Variants in CFAP300 observed in about 807,000 individuals in gnomAD.
CFAP300 encodes cilia and flagella associated protein 300.
Under a neutral mutation model 33.0 loss-of-function variants are expected in CFAP300, and 32 were observed. The observed-to-expected ratio is 0.97, with a 90% CI of 0.73 to 1.30. The LOEUF is 1.30. CFAP300 is among the 50% of genes most tolerant of loss of function. The pLI, the probability that CFAP300 is intolerant of heterozygous loss-of-function variation, is 0.00. For synonymous variants in CFAP300, 102 were observed against 106.8 expected (o/e 0.95, Z 0.28); for missense variants, 356 against 318.1 (o/e 1.12, Z -0.90).
At chr11:102,058,619 C>G (rs918225107) in intron 2 of CFAP300, among the ~76,000 whole-genome samples, 5 of 150,312 alleles carry the variant, frequency 3.3e-5, no homozygotes, top group African/African-American at 1.2e-4. Context: ...TATTATATAA[C>G]CTCCTAATGT....
At chr11:102,073,509 C>T (rs1434148533) in intron 4 of CFAP300, among the ~76,000 whole-genome samples, 1 of 152,252 alleles carries the variant, frequency 6.6e-6, no homozygotes, top group East Asian at 1.9e-4. Context: ...TACATTCAGG[C>T]GGATCCTCTT....
At chr11:102,072,602 C>A (rs990311252) in intron 4 of CFAP300, among the ~76,000 whole-genome samples, 1 of 152,048 alleles carries the variant, frequency 6.6e-6, no homozygotes, top group Non-Finnish European at 1.5e-5. Context: ...CATGCCTGGC[C>A]ATATCATTAT....
intron 2 of CFAP300, 76 bp from the exon 3 acceptor site, chr11:102,058,804 A>G (rs1199872163): frequency 3.7e-6 from 3 of 811,854 alleles, no homozygotes; most frequent in Admixed American, 2.8e-5. Flanking sequence ...AAAGGAGATT[A>G]TAGTTATTTT....
chr11:102,066,404 C>T, intron 3 of CFAP300, 81 bp from the exon 4 acceptor site: 5 of 900,360 alleles, frequency 5.6e-6, no homozygotes, highest in Non-Finnish European at 8.1e-6. Context: ...AGAATTTCTG[C>T]ATAGCGATTT....
In CFAP300 at chr11:102,081,117, T is replaced by G. The variant is rs987941406; in HGVS notation, c.609-98T>G. 5.8e-6 allele frequency: 5 copies of G among 869,342 alleles called. No homozygotes were observed. In the African/African-American group the frequency reaches 8.5e-5, roughly 15 times the overall value. 53.9% of individuals were successfully genotyped at this position (869,342 alleles called of 1,614,324 possible). A position where few individuals can be genotyped will look rare whatever the true frequency, so the allele number is the denominator to read the frequency against. Reference sequence around the variant, plus strand: ...GGATAGTATGTATTTCCATGTTCTATATGAATAAGAACACTTAAATACTAA... The same window carrying G: ...GGATAGTATGTATTTCCATGTTCTAGATGAATAAGAACACTTAAATACTAA... On this transcript the variant is annotated intron_variant, in intron 5 of 6. Coordinates refer to ENST00000434758, the MANE Select transcript of CFAP300 (RefSeq NM_032930.3).
intron 4 of CFAP300, among the ~76,000 whole-genome samples, chr11:102,073,449 GA>G (rs1190232973): frequency 6.6e-6 from 1 of 152,194 alleles, no homozygotes; most frequent in Non-Finnish European, 1.5e-5. Flanking sequence ...TTGGGCACTG[GA>G]TGGGGGACAG....
chr11:102,048,019 T>G, intron 2 of CFAP300, 123 bp downstream of exon 2: 1 of 813,402 alleles, frequency 1.2e-6, no homozygotes, highest in Non-Finnish European at 1.9e-6. Context: ...CGTTTGGGAG[T>G]AATAAAAGGT....
At chr11:102,063,457 A>T (rs1173912111) in intron 3 of CFAP300, among the ~76,000 whole-genome samples, 1 of 152,182 alleles carries the variant, frequency 6.6e-6, no homozygotes, top group Non-Finnish European at 1.5e-5. Flanking sequence ...CATGAATCAT[A>T]CCTCAAGTCT....
intron 4 of CFAP300, among the ~76,000 whole-genome samples, chr11:102,067,527 T>G (rs1942247581): frequency 6.6e-6 from 1 of 152,222 alleles, no homozygotes; most frequent in South Asian, 2.1e-4. Context: ...GATTCCTGAT[T>G]TATTATTTAG....
At chr11:102,074,842 A>G (rs1008632860) in intron 4 of CFAP300, among the ~76,000 whole-genome samples, 2 of 151,852 alleles carry the variant, frequency 1.3e-5, no homozygotes, top group East Asian at 3.9e-4. Flanking sequence ...CACTAGGGCT[A>G]CAGGCATTCA....
At position 102,081,974 on chromosome 11, in the gene CFAP300, T is replaced by C. The variant is rs187958820; in HGVS notation, c.675+693T>C. Among the ~76,000 whole-genome samples, 193 of 152,166 alleles carry C rather than the reference T, an allele frequency of 1.3e-3. 2 individuals are homozygous for C. The highest frequency in any genetic ancestry group is 3.4e-3 in the Middle Eastern group (1 of 294). On this transcript the variant is annotated intron_variant, in intron 6 of 6. Transcript: ENST00000434758. ...GAATTTCAGTATTATACAAAAGATA[T>C]TATTACATTCGAAGCAGTTTCTAAG...
intron 5 of CFAP300, among the ~76,000 whole-genome samples, chr11:102,078,349 A>T (rs1385959002): frequency 6.6e-6 from 1 of 152,186 alleles, no homozygotes; most frequent in African/African-American, 2.4e-5. Context: ...TTACACTTTT[A>T]AAAAATATTA....
At chr11:102,076,157 A>G in intron 5 of CFAP300, 112 bp downstream of exon 5, 1 of 1,249,232 alleles carries the variant, frequency 8.0e-7, no homozygotes, top group South Asian at 2.1e-5. Flanking sequence ...CAACCAAAGC[A>G]TATAAAAAGC....
Position 102,047,796 on chromosome 11 carries a change from T to A in CFAP300, c.111-19T>A. 1 of 1,613,156 alleles carries A rather than the reference T, an allele frequency of 6.2e-7. No homozygotes were observed. Among genetic ancestry groups the A allele is most frequent in the Non-Finnish European group, 8.5e-7 (1 of 1,179,752 alleles). The stretch of plus-strand genomic sequence containing the variant: ...GGGTGCCAGCCCCCAGATGATTTCT[T>A]TTTCCTCCTCTGCCCCAGGTCCATG... On this transcript the variant is annotated intron_variant, in intron 1 of 6. Transcript: ENST00000434758.
intron 4 of CFAP300, among the ~76,000 whole-genome samples, chr11:102,074,509 T>C (rs1942368622): frequency 6.6e-6 from 1 of 152,196 alleles, no homozygotes. Context: ...ATGCCCTCTT[T>C]GAAGTGTGAT....
chr11:102,072,025 CT>C (rs1565395810), intron 4 of CFAP300, among the ~76,000 whole-genome samples: 4 of 152,028 alleles, frequency 2.6e-5, no homozygotes, highest in African/African-American at 7.2e-5. Flanking sequence ...GTCTAAATCT[CT>C]TGTTAGAATT....
chr11:102,081,219 C>T lies in CFAP300; in HGVS notation c.613C>T (p.Arg205Ter), dbSNP rs140641107. ...ACCTTTTCTTCCTTTTTTTAGTGTT[C>T]GAAAGAATCCTCAAACCAAGAAAAT... The part of the protein sequence containing the change: ...KLIYKDLVSV[R>*]KNPQTKKIQI... Residue 205 changes from arginine (R) to a stop codon, truncating the protein, a stop_gained, in exon 6 of 7, where the codon CGA becomes TGA. Coordinates refer to ENST00000434758, the MANE Select transcript of CFAP300 (RefSeq NM_032930.3). LOFTEE classifies it high-confidence loss of function. 8 of 1,604,410 alleles carry T rather than the reference C, an allele frequency of 5.0e-6. No homozygotes were observed. Among genetic ancestry groups the T allele is most frequent in the South Asian group, 2.2e-5 (2 of 89,070 alleles).
Position 102,069,571 on chromosome 11 carries a change from G to C in CFAP300, c.435+2920G>C, listed in dbSNP as rs944132134. Among the ~76,000 whole-genome samples, 16 of 152,178 alleles carry C rather than the reference G, an allele frequency of 1.1e-4. 1 individual carries two copies. The highest frequency in any genetic ancestry group is 3.3e-4 in the Admixed American group (5 of 15,276). ...TAATCTCAGCACTTTGGGAGGCAGA[G>C]GCGGGTGGATCACTTGAGACCAGGA... On this transcript the variant is annotated intron_variant, in intron 4 of 6. Transcript: ENST00000434758.
intron 4 of CFAP300, among the ~76,000 whole-genome samples, chr11:102,069,069 A>C (rs1308423195): frequency 6.6e-6 from 1 of 152,212 alleles, no homozygotes; most frequent in African/African-American, 2.4e-5. Context: ...TTAGTTTTCC[A>C]ACAGAATACT....
Sources: allele counts gnomAD v4.1 joint callset (sites outside exome capture counted in the v4.1 genomes callset), GRCh38; gene constraint gnomAD v4.1.1; transcripts MANE v1.5; gene names NCBI Gene and HGNC (gene_info 2026-07-23, HGNC 2026-07-21).